Variants in FOXI2 observed in about 807,000 individuals in gnomAD.
FOXI2 encodes forkhead box I2.
Under a neutral mutation model 14.3 loss-of-function variants are expected in FOXI2, and 17 were observed. That is an observed-to-expected ratio of 1.19 (90% CI 0.81 to 1.78). The LOEUF is 1.78. Among genes scored for constraint, FOXI2 ranks in the 40% most tolerant of loss-of-function variants. FOXI2 has a pLI of 0.00. For synonymous variants in FOXI2, 240 were observed against 218.8 expected (o/e 1.10, Z -0.85); for missense variants, 541 against 460.0 (o/e 1.18, Z -1.61).
Position 127,740,274 on chromosome 10 carries a change from CCA to C in FOXI2, c.*1312_*1313del, listed in dbSNP as rs1846508386. 1 of 152,286 alleles carries C rather than the reference CCA, an allele frequency of 6.6e-6. No homozygotes were observed. Among genetic ancestry groups the C allele is most frequent in the Non-Finnish European group, 1.5e-5 (1 of 68,114 alleles). 9.4% of individuals were successfully genotyped at this position (152,286 alleles called of 1,614,324 possible). A position where few individuals can be genotyped will look rare whatever the true frequency, so the allele number is the denominator to read the frequency against. On this transcript the variant is annotated 3_prime_UTR_variant, in exon 2 of 2. Transcript: ENST00000388920. ...GTTTTGGTCTCTTTCCCCTCCAAAC[CCA>C]CAGTTTGAGCCAAAGCTGTGCGTGT...
chr10:127,737,668 T>C lies in FOXI2; in HGVS notation c.395T>C (p.Val132Ala). The C allele has an allele frequency of 6.3e-7, 1 of 1,595,208 alleles. No individual in the cohort carries two copies. ...ACGCTCAGCCAGATCTACCAGTACG[T>C]GGCTGGTAACTTCCCTTTCTACAAG... ...KLTLSQIYQY[V>A]AGNFPFYKRS... The change falls in exon 1 of 2, where the codon GTG (valine) becomes GCG (alanine). Residue 132 changes from valine (V) to alanine (A), a missense_variant. Physicochemically the swap from Val to Ala is moderately conservative, Grantham distance 64. Coordinates refer to ENST00000388920, the MANE Select transcript of FOXI2 (RefSeq NM_207426.3).
chr10:127,737,414 G>T lies in FOXI2; in HGVS notation c.141G>T (p.Ala47=), dbSNP rs1846429643. Residue 47 remains alanine (A), a synonymous_variant, in exon 1 of 2, where the codon GCG becomes GCT. Coordinates refer to ENST00000388920, the MANE Select transcript of FOXI2 (RefSeq NM_207426.3). Reference sequence around the variant, plus strand: ...CCCTCCTGTGGGTGAACGCGCCAGCGCTCAGCCCCAAGTCCTACGCTTCGG... The same window carrying T: ...CCCTCCTGTGGGTGAACGCGCCAGCTCTCAGCCCCAAGTCCTACGCTTCGG... The part of the protein sequence containing the change: ...GGPLLWVNAP[A]LSPKSYASGP... 7.2e-7 allele frequency: 1 copy of T among 1,382,820 alleles called. No individual in the cohort carries two copies. The highest frequency in any genetic ancestry group is 1.7e-5 in the South Asian group (1 of 59,448). The allele number at this position is 1,382,820 out of a possible 1,614,324, so 85.7% of individuals were successfully genotyped here.
chr10:127,737,359 C>A lies in FOXI2; in HGVS notation c.86C>A (p.Pro29Gln). 1 of 1,415,512 alleles carries A rather than the reference C, an allele frequency of 7.1e-7. No individual in the cohort carries two copies. The highest frequency in any genetic ancestry group is 9.1e-7 in the Non-Finnish European group (1 of 1,099,844). The allele number at this position is 1,415,512 out of a possible 1,614,324, so 87.7% of individuals were successfully genotyped here. A position where few individuals can be genotyped will look rare whatever the true frequency, so the allele number is the denominator to read the frequency against. Reference protein sequence around the residue: ...QATAHPPGYEPGDLGAVGGGP... With the variant: ...QATAHPPGYEQGDLGAVGGGP... ...ACCGCGCACCCCCCGGGCTATGAGC[C>A]AGGGGATCTGGGCGCGGTGGGCGGG... Residue 29 changes from proline to glutamine, a missense_variant, in exon 1 of 2, where the codon CCA becomes CAA. Transcript: ENST00000388920.
Position 127,739,272 on chromosome 10 carries a change from G to A in FOXI2, c.*307G>A, listed in dbSNP as rs963698547. 2.9e-6 allele frequency: 1 copy of A among 339,732 alleles called. No individual in the cohort carries two copies. Among genetic ancestry groups the A allele is most frequent in the East Asian group, 5.8e-5 (1 of 17,390 alleles). The allele number at this position is 339,732 out of a possible 1,614,324, so 21.0% of individuals were successfully genotyped here. A position where few individuals can be genotyped will look rare whatever the true frequency, so the allele number is the denominator to read the frequency against. On this transcript the variant is annotated 3_prime_UTR_variant, in exon 2 of 2. Coordinates refer to ENST00000388920, the MANE Select transcript of FOXI2 (RefSeq NM_207426.3). ...GAGGGATTTGCCTTGAAGGGGCGGCGGGTCGGCCCTCAGCTCCAGCGTTTT... is the reference window on the plus strand; with the variant it reads ...GAGGGATTTGCCTTGAAGGGGCGGCAGGTCGGCCCTCAGCTCCAGCGTTTT...
Position 127,739,258 on chromosome 10 carries a change from C to T in FOXI2, c.*293C>T, listed in dbSNP as rs1846462126. The T allele has an allele frequency of 7.9e-6, 3 of 379,244 alleles. No individual in the cohort carries two copies. Among genetic ancestry groups the T allele is most frequent in the Non-Finnish European group, 9.4e-6 (2 of 213,250 alleles). 23.5% of individuals were successfully genotyped at this position (379,244 alleles called of 1,614,324 possible). A position where few individuals can be genotyped will look rare whatever the true frequency, so the allele number is the denominator to read the frequency against. ...GAACCTGTGCTCTCGAGGGATTTGCCTTGAAGGGGCGGCGGGTCGGCCCTC... is the reference window on the plus strand; with the variant it reads ...GAACCTGTGCTCTCGAGGGATTTGCTTTGAAGGGGCGGCGGGTCGGCCCTC... On this transcript the variant is annotated 3_prime_UTR_variant, in exon 2 of 2. Coordinates refer to ENST00000388920, the MANE Select transcript of FOXI2 (RefSeq NM_207426.3).
At chr10:127,737,836 G>A (rs879660970) in intron 1 of FOXI2, 52 bp downstream of exon 1, 9 of 1,570,234 alleles carry the variant, frequency 5.7e-6, no homozygotes, top group African/African-American at 2.7e-5. Flanking sequence ...TCTTCCCGCC[G>A]GGCCGCGGGC....
rs1846480875 is a variant in FOXI2 at position 127,739,867 on chromosome 10, A to ACCCACC, written c.*907_*908insCCCCAC. ...CACTCACACTCACACCCACACTCAC[A>ACCCACC]CCCACACTCACACCCACACCCACAC... is the stretch of plus-strand genomic sequence containing the variant. On this transcript the variant is annotated 3_prime_UTR_variant, in exon 2 of 2. Transcript: ENST00000388920. 1.3e-5 allele frequency: 1 copy of ACCCACC among 78,982 alleles called. No homozygotes were observed. Among genetic ancestry groups the ACCCACC allele is most frequent in the African/African-American group, 5.3e-5 (1 of 18,758 alleles). 4.9% of individuals were successfully genotyped at this position (78,982 alleles called of 1,614,324 possible).
rs201779782 is a variant in FOXI2, at chr10:127,739,943, T to C, written c.*978T>C. On this transcript the variant is annotated 3_prime_UTR_variant, in exon 2 of 2. Transcript: ENST00000388920. The stretch of plus-strand genomic sequence containing the variant: ...CACCCACACTCACACCCACACACAC[T>C]CACACCCACACACACCCACACTCAT... The C allele has an allele frequency of 4.8e-4, 11 of 23,002 alleles. No individual in the cohort carries two copies. The highest frequency in any genetic ancestry group is 7.4e-4 in the Non-Finnish European group (10 of 13,584). 1.4% of individuals were successfully genotyped at this position (23,002 alleles called of 1,614,324 possible). A position where few individuals can be genotyped will look rare whatever the true frequency, so the allele number is the denominator to read the frequency against.
At position 127,738,827 on chromosome 10, in the gene FOXI2, G is replaced by A. The variant is rs1386614054; in HGVS notation, c.819G>A (p.Gly273=). 2 of 1,606,408 alleles carry A rather than the reference G, an allele frequency of 1.2e-6. No individual in the cohort carries two copies. Among genetic ancestry groups the A allele is most frequent in the African/African-American group, 2.7e-5 (2 of 74,826 alleles). Residue 273 remains glycine, a synonymous_variant, in exon 2 of 2, where the codon GGG becomes GGA. Transcript: ENST00000388920. ...PGGLAGDFSF[G]RRPPTVATHA... ...GCCTGGCGGGCGACTTTTCTTTCGG[G>A]AGGCGGCCACCGACAGTCGCCACCC...
Position 127,737,686 on chromosome 10 carries a change from T to A in FOXI2, c.413T>A (p.Phe138Tyr). The change falls in exon 1 of 2, where the codon TTC (phenylalanine) becomes TAC (tyrosine). Residue 138 changes from phenylalanine (F) to tyrosine (Y), a missense_variant. By Grantham distance (22) the Phe-to-Tyr change is conservative. Transcript: ENST00000388920. ...IYQYVAGNFP[F>Y]YKRSKAGWQN... is the part of the protein sequence containing the mutation. ...CAGTACGTGGCTGGTAACTTCCCTT[T>A]CTACAAGCGCAGCAAGGCGGGCTGG... 6.2e-7 allele frequency: 1 copy of A among 1,603,240 alleles called. No homozygotes were observed. Among genetic ancestry groups the A allele is most frequent in the East Asian group, 2.3e-5 (1 of 44,240 alleles).
In FOXI2 at chr10:127,738,710, CT is replaced by C. The variant is rs766294480; in HGVS notation, c.703del (p.Ser235LeufsTer18). ...CTTGCCTGGACCTGCAGGCCTCGCC[CT>C]CTCCATCCGCACCCGAGGCCGCCAC... is the stretch of plus-strand genomic sequence containing the variant. The part of the protein sequence containing the change: ...AACLDLQASP[S>X]PSAPEAATCF... On this transcript the variant is annotated frameshift_variant, in exon 2 of 2. Coordinates refer to ENST00000388920, the MANE Select transcript of FOXI2 (RefSeq NM_207426.3). LOFTEE classifies it low-confidence loss of function (END_TRUNC). 6.3e-7 allele frequency: 1 copy of C among 1,598,208 alleles called. No homozygotes were observed. Among genetic ancestry groups the C allele is most frequent in the Non-Finnish European group, 8.5e-7 (1 of 1,172,938 alleles).
rs1846429643 is a variant in FOXI2 at position 127,737,414 on chromosome 10, G to C, written c.141G>C (p.Ala47=). 1 of 1,382,820 alleles carries C rather than the reference G, an allele frequency of 7.2e-7. No individual in the cohort carries two copies. 85.7% of individuals were successfully genotyped at this position (1,382,820 alleles called of 1,614,324 possible). ...GGPLLWVNAP[A]LSPKSYASGP... ...CCCTCCTGTGGGTGAACGCGCCAGC[G>C]CTCAGCCCCAAGTCCTACGCTTCGG... is the stretch of plus-strand genomic sequence containing the variant. The change falls in exon 1 of 2, where the codon GCG becomes GCC. Residue 47 remains alanine, a synonymous_variant. Transcript: ENST00000388920.
At position 127,737,466 on chromosome 10, in the gene FOXI2, G is replaced by T; in HGVS notation, c.193G>T (p.Ala65Ser). 7.3e-7 allele frequency: 1 copy of T among 1,376,640 alleles called. No individual in the cohort carries two copies. Among genetic ancestry groups the T allele is most frequent in the Non-Finnish European group, 9.3e-7 (1 of 1,076,250 alleles). The allele number at this position is 1,376,640 out of a possible 1,614,324, so 85.3% of individuals were successfully genotyped here. Residue 65 changes from alanine (A) to serine (S), a missense_variant, in exon 1 of 2, where the codon GCC (alanine) becomes TCC (serine). Coordinates refer to ENST00000388920, the MANE Select transcript of FOXI2 (RefSeq NM_207426.3). ...SGPGPAPPYAAPSYGAPGPLL... is the reference protein window; with the variant it reads ...SGPGPAPPYASPSYGAPGPLL... ...TCCCGGGCCTGCGCCGCCCTACGCG[G>T]CCCCGAGCTACGGGGCTCCCGGCCC...
At chr10:127,737,813 C>G in intron 1 of FOXI2, 29 bp downstream of exon 1, 1 of 1,589,380 alleles carries the variant, frequency 6.3e-7, no homozygotes, top group Non-Finnish European at 8.6e-7. Flanking sequence ...CTCGCTCCGT[C>G]CAGGACTCCC....
chr10:127,739,893 C>CCACACTCACA lies in FOXI2; in HGVS notation c.*940_*949dup, dbSNP rs1182925328. The CCACACTCACA allele has an allele frequency of 1.5e-5, 1 of 67,798 alleles. No homozygotes were observed. The highest frequency in any genetic ancestry group is 5.3e-5 in the African/African-American group (1 of 18,908). The allele number at this position is 67,798 out of a possible 1,614,324, so 4.2% of individuals were successfully genotyped here. On this transcript the variant is annotated 3_prime_UTR_variant, in exon 2 of 2. Coordinates refer to ENST00000388920, the MANE Select transcript of FOXI2 (RefSeq NM_207426.3). ...CCCACACTCACACCCACACCCACACCCACACTCACACACACTCACACCCAC... is the reference window on the plus strand; with the variant it reads ...CCCACACTCACACCCACACCCACACCCACACTCACACACACTCACACACACTCACACCCAC...
Position 127,737,371 on chromosome 10 carries a change from G to C in FOXI2, c.98G>C (p.Gly33Ala), listed in dbSNP as rs1416150272. Residue 33 changes from glycine (G) to alanine (A), a missense_variant, in exon 1 of 2, where the codon GGC (glycine) becomes GCC (alanine). By Grantham distance (60) the Gly-to-Ala change is moderately conservative. Transcript: ENST00000388920. Reference protein sequence around the residue: ...HPPGYEPGDLGAVGGGPLLWV... With the variant: ...HPPGYEPGDLAAVGGGPLLWV... Reference sequence around the variant, plus strand: ...CCGGGCTATGAGCCAGGGGATCTGGGCGCGGTGGGCGGGGGCCCCCTCCTG... The same window carrying C: ...CCGGGCTATGAGCCAGGGGATCTGGCCGCGGTGGGCGGGGGCCCCCTCCTG... 4 of 1,402,026 alleles carry C rather than the reference G, an allele frequency of 2.9e-6. No homozygotes were observed. The highest frequency in any genetic ancestry group is 3.7e-6 in the Non-Finnish European group (4 of 1,092,742). 86.8% of individuals were successfully genotyped at this position (1,402,026 alleles called of 1,614,324 possible).
chr10:127,740,078 T>TCACACCCACACTCA lies in FOXI2; in HGVS notation c.*1117_*1130dup, dbSNP rs1233273793. ...CTCACACCCACACTCATACTCACAC[T>TCACACCCACACTCA]CACACCCACACTCACACTCACACCC... On this transcript the variant is annotated 3_prime_UTR_variant, in exon 2 of 2. Coordinates refer to ENST00000388920, the MANE Select transcript of FOXI2 (RefSeq NM_207426.3). The TCACACCCACACTCA allele has an allele frequency of 3.5e-5, 2 of 56,690 alleles. No individual in the cohort carries two copies. Among genetic ancestry groups the TCACACCCACACTCA allele is most frequent in the Non-Finnish European group, 7.2e-5 (2 of 27,922 alleles). The allele number at this position is 56,690 out of a possible 1,614,324, so 3.5% of individuals were successfully genotyped here.
In FOXI2 at chr10:127,737,496, C is replaced by T. The variant is rs1846430892; in HGVS notation, c.223C>T (p.Leu75Phe). 7.1e-7 allele frequency: 1 copy of T among 1,401,122 alleles called. No individual in the cohort carries two copies. The highest frequency in any genetic ancestry group is 9.2e-7 in the Non-Finnish European group (1 of 1,088,812). The allele number at this position is 1,401,122 out of a possible 1,614,324, so 86.8% of individuals were successfully genotyped here. A position where few individuals can be genotyped will look rare whatever the true frequency, so the allele number is the denominator to read the frequency against. The part of the protein sequence containing the change: ...APSYGAPGPL[L>F]GAPGGLAGAD... ...GAGCTACGGGGCTCCCGGCCCGCTCCTCGGCGCCCCGGGCGGCCTGGCGGG... is the reference window on the plus strand; with the variant it reads ...GAGCTACGGGGCTCCCGGCCCGCTCTTCGGCGCCCCGGGCGGCCTGGCGGG... The change falls in exon 1 of 2, where the codon CTC becomes TTC. Residue 75 changes from leucine (L) to phenylalanine (F), a missense_variant. Leu to Phe is a conservative substitution (Grantham distance 22). Transcript: ENST00000388920.
Position 127,738,702 on chromosome 10 carries a change from G to T in FOXI2, c.694G>T (p.Ala232Ser), listed in dbSNP as rs1377512949. The T allele has an allele frequency of 1.9e-6, 3 of 1,597,134 alleles. No individual in the cohort carries two copies. Among genetic ancestry groups the T allele is most frequent in the Non-Finnish European group, 2.6e-6 (3 of 1,172,420 alleles). ...PPSAACLDLQ[A>S]SPSPSAPEAA... ...GAGCGCGGCTTGCCTGGACCTGCAG[G>T]CCTCGCCCTCTCCATCCGCACCCGA... Residue 232 changes from alanine to serine, a missense_variant, in exon 2 of 2, where the codon GCC (alanine) becomes TCC (serine). By Grantham distance (99) the Ala-to-Ser change is moderately conservative. Transcript: ENST00000388920.
Sources: gnomAD v4.1 joint callset for allele counts on GRCh38, gnomAD v4.1.1 for gene constraint, MANE v1.5 for transcripts, NCBI Gene and HGNC (gene_info 2026-07-23, HGNC 2026-07-21) for gene names.